CCSER1: variants seen among roughly 807,000 people sequenced by gnomAD.
CCSER1 encodes serine-rich coiled-coil domain-containing protein 1.
Under a neutral mutation model 82.0 loss-of-function variants are expected in CCSER1, and 41 were observed. That is an observed-to-expected ratio of 0.50 (90% CI 0.39 to 0.65). The LOEUF (loss-of-function observed/expected upper bound fraction) is 0.65. Ranked by LOEUF, CCSER1 falls within the 30% of genes least tolerant of loss-of-function variation. The pLI is 0.00. For missense variants in CCSER1, 1,119 were observed against 1,064.2 expected, an observed-to-expected ratio of 1.05 and a Z score of -0.72; for synonymous variants, 414 against 383.9, an observed-to-expected ratio of 1.08 and a Z score of -0.92.
intron 10 of CCSER1, among the ~76,000 whole-genome samples, chr4:91,451,883 C>T (rs1560682868): frequency 1.3e-5 from 2 of 151,964 alleles, no homozygotes; most frequent in South Asian, 2.1e-4. Context: ...TTACCATTAT[C>T]GAGAAGTAAA....
chr4:90,520,289 A>C (rs1772910246), intron 5 of CCSER1, among the ~76,000 whole-genome samples: 1 of 151,822 alleles, frequency 6.6e-6, no homozygotes, highest in Non-Finnish European at 1.5e-5. Context: ...ATCATTTTAT[A>C]ATTTTAATTA....
intron 7 of CCSER1, among the ~76,000 whole-genome samples, chr4:90,782,299 G>T (rs573998101): frequency 3.7e-4 from 57 of 152,144 alleles, no homozygotes; most frequent in Non-Finnish European, 6.9e-4. Context: ...AGCCTAATTA[G>T]AAGACAGTAG....
chr4:91,096,961 G>A (rs773072400), intron 10 of CCSER1, among the ~76,000 whole-genome samples: 43 of 152,276 alleles, frequency 2.8e-4, no homozygotes, highest in Non-Finnish European at 3.5e-4. Context: ...CAGGCACACC[G>A]TGGGTGATCA....
chr4:90,343,430 G>A (rs1159110782), intron 3 of CCSER1, among the ~76,000 whole-genome samples: 7 of 151,934 alleles, frequency 4.6e-5, no homozygotes, highest in Non-Finnish European at 5.9e-5. Context: ...CAGCCTGGCC[G>A]ACACGGTGAA....
At chr4:90,562,322 T>C (rs901336146) in intron 5 of CCSER1, among the ~76,000 whole-genome samples, 1 of 152,130 alleles carries the variant, frequency 6.6e-6, no homozygotes, top group Non-Finnish European at 1.5e-5. Flanking sequence ...TGACACATTC[T>C]ATATTTGTCA....
intron 5 of CCSER1, among the ~76,000 whole-genome samples, chr4:90,592,103 T>C (rs1317363397): frequency 3.3e-5 from 5 of 152,082 alleles, no homozygotes; most frequent in African/African-American, 1.2e-4. Context: ...AAAACCTAGA[T>C]GACCTGTTGA....
chr4:90,512,307 C>CAA (rs34130886), intron 5 of CCSER1, among the ~76,000 whole-genome samples: 3 of 110,332 alleles, frequency 2.7e-5, no homozygotes, highest in African/African-American at 1.0e-4. Flanking sequence ...GAATTCCAAG[C>CAA]AAAAAAAAAA....
chr4:91,408,756 A>G (rs1222453965), intron 10 of CCSER1, among the ~76,000 whole-genome samples: 1 of 152,236 alleles, frequency 6.6e-6, no homozygotes, highest in Non-Finnish European at 1.5e-5. Context: ...AGATAGAAAC[A>G]AAGGAAAATG....
chr4:90,358,163 A>G (rs1255680677), intron 3 of CCSER1, among the ~76,000 whole-genome samples: 1 of 152,134 alleles, frequency 6.6e-6, no homozygotes, highest in African/African-American at 2.4e-5. Flanking sequence ...AGGAGTAAAT[A>G]ATACATCAAA....
At chr4:90,637,704 A>G (rs765573055) in intron 6 of CCSER1, among the ~76,000 whole-genome samples, 1 of 152,198 alleles carries the variant, frequency 6.6e-6, no homozygotes, top group Non-Finnish European at 1.5e-5. Flanking sequence ...GTAAACTAAT[A>G]CACATGTTAG....
chr4:90,579,053 T>C (rs185469160), intron 5 of CCSER1, among the ~76,000 whole-genome samples: 749 of 67,148 alleles, frequency 0.011, 7 homozygotes, highest in African/African-American at 0.1. Flanking sequence ...ATAAAATAAA[T>C]AATATCCTAG....
At chr4:90,710,009 T>C (rs571830818) in intron 6 of CCSER1, among the ~76,000 whole-genome samples, 1 of 150,702 alleles carries the variant, frequency 6.6e-6, no homozygotes, top group South Asian at 2.1e-4. Context: ...TATCTCATAG[T>C]GGTTTTGATT....
chr4:91,395,660 G>C (rs1359687717), intron 10 of CCSER1, among the ~76,000 whole-genome samples: 3 of 151,826 alleles, frequency 2.0e-5, no homozygotes, highest in Non-Finnish European at 4.4e-5. Context: ...GTGAGAATAG[G>C]GTGTTTTTTT....
chr4:90,748,038 CT>C (rs397972944), intron 7 of CCSER1, among the ~76,000 whole-genome samples: 41 of 141,390 alleles, frequency 2.9e-4, no homozygotes, highest in South Asian at 1.4e-3. Context: ...ACATTTTCTT[CT>C]TTTTTTTTTA....
intron 10 of CCSER1, among the ~76,000 whole-genome samples, chr4:91,117,407 T>C (rs1394483908): frequency 6.6e-6 from 1 of 152,230 alleles, no homozygotes; most frequent in Admixed American, 6.5e-5. Flanking sequence ...ACACATTCCT[T>C]GTCTGGGACC....
At chr4:90,601,901 G>C (rs919099432) in intron 5 of CCSER1, among the ~76,000 whole-genome samples, 1 of 151,576 alleles carries the variant, frequency 6.6e-6, no homozygotes, top group Non-Finnish European at 1.5e-5. Flanking sequence ...AATTTTATTT[G>C]GTCAGAGAAC....
chr4:90,409,195 G>C (rs1234390823), intron 4 of CCSER1, among the ~76,000 whole-genome samples: 1 of 152,172 alleles, frequency 6.6e-6, no homozygotes, highest in Non-Finnish European at 1.5e-5. Flanking sequence ...AACCAAGTTG[G>C]AAAACACTCT....
At chr4:90,648,376 T>C (rs10018112) in intron 6 of CCSER1, among the ~76,000 whole-genome samples, 25,115 of 151,424 alleles carry the variant, frequency 0.17, 2,720 homozygotes, top group African/African-American at 0.3. Context: ...TACAAGTTCC[T>C]GGTATTCAAA....
intron 9 of CCSER1, among the ~76,000 whole-genome samples, chr4:91,080,096 C>A (rs564103669): frequency 1.1e-3 from 172 of 152,266 alleles, no homozygotes; most frequent in Middle Eastern, 3.4e-3. Flanking sequence ...CTCTCCACCC[C>A]AAAACAACAG....
Sources: allele counts gnomAD v4.1 joint callset (sites outside exome capture counted in the v4.1 genomes callset), GRCh38; gene constraint gnomAD v4.1.1; transcripts MANE v1.5; gene names NCBI Gene and HGNC (gene_info 2026-07-23, HGNC 2026-07-21).